The following NTRK2 variants were observed in gnomAD, a reference collection of about 807,000 sequenced individuals.
NTRK2 encodes BDNF/NT-3 growth factors receptor.
A neutral mutation model predicts 94.5 loss-of-function variants in NTRK2; 13 were observed. That is an observed-to-expected ratio of 0.14 (90% confidence interval 0.09 to 0.22). The LOEUF is 0.22. NTRK2 is among the 10% of genes least tolerant of loss of function. NTRK2 has a pLI of 1.00. For missense variants in NTRK2, 639 were observed against 1,071.2 expected, an observed-to-expected ratio of 0.60 and a Z score of 5.63; for synonymous variants, 372 against 407.4, an observed-to-expected ratio of 0.91 and a Z score of 1.05.
intron 12 of NTRK2, among the ~76,000 whole-genome samples, chr9:84,755,859 G>T (rs1389049145): frequency 6.6e-6 from 1 of 152,080 alleles, no homozygotes; most frequent in African/African-American, 2.4e-5. Context: ...TAAGCTTCTT[G>T]CTGCTAGTGT....
At chr9:84,844,177 T>G (rs1419136308) in intron 12 of NTRK2, among the ~76,000 whole-genome samples, 1 of 152,154 alleles carries the variant, frequency 6.6e-6, no homozygotes, top group Non-Finnish European at 1.5e-5. Context: ...TCTTTTCAGC[T>G]GCAGCATGGC....
chr9:84,924,459 A>G (rs1438241348), intron 14 of NTRK2, among the ~76,000 whole-genome samples: 7 of 152,136 alleles, frequency 4.6e-5, no homozygotes, highest in Non-Finnish European at 8.8e-5. Flanking sequence ...CACGCTGCAT[A>G]ATGATTCTTG....
intron 14 of NTRK2, among the ~76,000 whole-genome samples, chr9:84,928,940 G>A (rs555943233): frequency 6.6e-6 from 1 of 152,144 alleles, no homozygotes; most frequent in Non-Finnish European, 1.5e-5. Context: ...CTGAATAAAT[G>A]TCTCTGTTGA....
At chr9:84,861,814 A>G (rs1330991954) in intron 13 of NTRK2, among the ~76,000 whole-genome samples, 2 of 152,188 alleles carry the variant, frequency 1.3e-5, no homozygotes, top group Non-Finnish European at 2.9e-5. Flanking sequence ...AGATCCGACC[A>G]TCTTGGGCAT....
chr9:84,955,286 A>T lies in NTRK2; in HGVS notation c.1941A>T (p.Ala647=), dbSNP rs61731264. 239 of 1,598,194 alleles carry T rather than the reference A, an allele frequency of 1.5e-4. 2 individuals carry two copies. The African/African-American group carries it at 3.0e-3, about 20-fold the overall frequency. The stretch of plus-strand genomic sequence containing the variant: ...CATTCTCCATGTCCTTCCCCAGGGC[A>T]CACGGCCCTGATGCCGTGCTGATGG... ...KHGDLNKFLR[A]HGPDAVLMAE... Residue 647 remains alanine, a synonymous_variant, in exon 17 of 19, where the codon GCA becomes GCT. Transcript: ENST00000277120.
intron 2 of NTRK2, among the ~76,000 whole-genome samples, chr9:84,677,165 G>A (rs948163485): frequency 1.1e-4 from 17 of 152,148 alleles, no homozygotes; most frequent in African/African-American, 3.9e-4. Context: ...GTTGCCCCTG[G>A]AGTCTTTGCC....
At chr9:84,756,537 A>G (rs189741439) in intron 12 of NTRK2, among the ~76,000 whole-genome samples, 1 of 152,342 alleles carries the variant, frequency 6.6e-6, no homozygotes, top group Admixed American at 6.5e-5. Context: ...AGTTTCGGCT[A>G]TCAGTTTTGT....
chr9:85,017,925 A>G (rs1393035218), intron 17 of NTRK2, among the ~76,000 whole-genome samples: 5 of 152,218 alleles, frequency 3.3e-5, no homozygotes, highest in Admixed American at 6.5e-5. Context: ...TCTTCTTTAT[A>G]GGGTAGGAAG....
In NTRK2 at chr9:84,680,949, C is replaced by T. The variant is rs115451833; in HGVS notation, c.212+9989C>T. On this transcript the variant is annotated intron_variant, in intron 2 of 18. Transcript: ENST00000277120. ...GGTGTCACCACACTTTTCTTGTTTT[C>T]CCTCTATCTCTCTGCATGCTACTTG... Among the ~76,000 whole-genome samples, 822 of 151,502 alleles carry T rather than the reference C, an allele frequency of 5.4e-3. 9 individuals carry two copies. The highest frequency in any genetic ancestry group is 0.019 in the African/African-American group (785 of 41,336).
chr9:85,019,546 A>C (rs1263274679), intron 17 of NTRK2, among the ~76,000 whole-genome samples: 1 of 152,220 alleles, frequency 6.6e-6, no homozygotes, highest in African/African-American at 2.4e-5. Flanking sequence ...TAAAATGGGC[A>C]TTTAAAAAAT....
intron 12 of NTRK2, among the ~76,000 whole-genome samples, chr9:84,795,376 C>T (rs117126714): frequency 0.034 from 5,104 of 152,238 alleles, 156 homozygotes; most frequent in Admixed American, 0.087. Context: ...GTCTTGGCCA[C>T]GTCTGTGCCT....
intron 2 of NTRK2, among the ~76,000 whole-genome samples, chr9:84,692,496 A>C (rs1293628127): frequency 9.1e-6 from 1 of 110,434 alleles, no homozygotes; most frequent in Non-Finnish European, 1.7e-5. Context: ...TTTGAGACAG[A>C]GTCTCACTTT....
intron 12 of NTRK2, among the ~76,000 whole-genome samples, chr9:84,849,528 T>C (rs1006426671): frequency 2.6e-5 from 4 of 152,210 alleles, no homozygotes; most frequent in African/African-American, 9.6e-5. Context: ...TTGCAATCCA[T>C]CCAAGATTTA....
intron 2 of NTRK2, among the ~76,000 whole-genome samples, chr9:84,692,956 C>T (rs761335085): frequency 2.3e-4 from 35 of 152,126 alleles, no homozygotes; most frequent in Non-Finnish European, 2.1e-4. Flanking sequence ...AGTGAAAGAT[C>T]GGAAGTTGCT....
chr9:84,935,263 A>G (rs193211431), intron 15 of NTRK2, among the ~76,000 whole-genome samples: 1 of 152,308 alleles, frequency 6.6e-6, no homozygotes, highest in East Asian at 1.9e-4. Context: ...TTTATTTACT[A>G]GTCATAACCA....
At chr9:84,742,434 G>A (rs377647243) in intron 10 of NTRK2, among the ~76,000 whole-genome samples, 3 of 152,210 alleles carry the variant, frequency 2.0e-5, no homozygotes, top group South Asian at 4.2e-4. Flanking sequence ...TTCCCACCAC[G>A]CCAGCTTCAC....
At chr9:85,020,947 C>T (rs1832732192) in intron 18 of NTRK2, among the ~76,000 whole-genome samples, 1 of 152,134 alleles carries the variant, frequency 6.6e-6, no homozygotes, top group South Asian at 2.1e-4. Context: ...ACTCAGGTTC[C>T]ATCTCAGACC....
chr9:84,859,049 G>C (rs946976945), intron 12 of NTRK2, among the ~76,000 whole-genome samples: 1 of 152,170 alleles, frequency 6.6e-6, no homozygotes, highest in Non-Finnish European at 1.5e-5. Flanking sequence ...AGAAGTGCCC[G>C]GTGGGTAGGT....
At chr9:85,004,049 G>T (rs1351236292) in intron 17 of NTRK2, among the ~76,000 whole-genome samples, 4 of 93,592 alleles carry the variant, frequency 4.3e-5, no homozygotes, top group Non-Finnish European at 7.3e-5. Flanking sequence ...AAGAAAGGGA[G>T]AAAGAGAAAG....
Sources: gnomAD v4.1 joint callset for allele counts (sites outside exome capture counted in the v4.1 genomes callset) on GRCh38, gnomAD v4.1.1 for gene constraint, MANE v1.5 for transcripts, NCBI Gene and HGNC (gene_info 2026-07-23, HGNC 2026-07-21) for gene names.